Variants in JAKMIP1 observed in about 807,000 individuals in gnomAD.
JAKMIP1 encodes the protein janus kinase and microtubule interacting protein 1, also known as janus kinase and microtubule-interacting protein 1.
JAKMIP1 carries 33 observed loss-of-function variants against 113.0 expected under a neutral mutation model. The ratio of observed to expected loss-of-function variants is 0.29; its 90% confidence interval spans 0.22 to 0.39. JAKMIP1 has a LOEUF of 0.39. Among genes scored for constraint, JAKMIP1 ranks in the 10% least tolerant of loss-of-function variants. The pLI, the probability that JAKMIP1 is intolerant of heterozygous loss-of-function variation, is 1.00. For synonymous variants in JAKMIP1, 480 were observed against 459.9 expected (o/e 1.04, Z -0.56); for missense variants, 813 against 1,080.5 (o/e 0.75, Z 3.47).
chr4:6,177,822 G>A (rs1725536548), intron 1 of JAKMIP1, among the ~76,000 whole-genome samples: 1 of 152,176 alleles, frequency 6.6e-6, no homozygotes, highest in Non-Finnish European at 1.5e-5. Context: ...CCCTGCCTCT[G>A]CATTGTCTCT....
At chr4:6,070,664 C>T (rs755774243) in intron 8 of JAKMIP1, among the ~76,000 whole-genome samples, 13 of 152,250 alleles carry the variant, frequency 8.5e-5, no homozygotes, top group Non-Finnish European at 1.8e-4. Context: ...GATTCTCCCT[C>T]AGGACCCAAA....
At chr4:6,062,263 G>A (rs750469730) in intron 10 of JAKMIP1, 49 bp downstream of exon 10, 1 of 1,604,602 alleles carries the variant, frequency 6.2e-7, no homozygotes, top group Non-Finnish European at 8.5e-7. Flanking sequence ...GGACCTACAT[G>A]ACCTGGCCTT....
chr4:6,120,902 C>A (rs201959074), intron 1 of JAKMIP1, among the ~76,000 whole-genome samples: 2 of 147,006 alleles, frequency 1.4e-5, no homozygotes, highest in East Asian at 4.0e-4. Context: ...ACAAAGCAAG[C>A]TCAAAAAATG....
In JAKMIP1 at chr4:6,155,338, C is replaced by T. The variant is rs576316509; in HGVS notation, c.-147-42341G>A. On this transcript the variant is annotated intron_variant, in intron 1 of 20. Coordinates refer to ENST00000409021, the MANE Select transcript of JAKMIP1 (RefSeq NM_001099433.2). The surrounding 1 kb of genome is among the most constrained non-coding windows in gnomAD (Gnocchi z 6.1). ...CCGCGAATGTTTACCCAGCCCTTAT[C>T]CTGCGTCAGCTCTGCTCCAAGCACT... Among the ~76,000 whole-genome samples, 5 of 152,292 alleles carry T rather than the reference C, an allele frequency of 3.3e-5. No individual in the cohort carries two copies. In the East Asian group the frequency reaches 9.7e-4, roughly 29 times the overall value.
Position 6,069,921 on chromosome 4 carries a change from T to C in JAKMIP1, c.1303-4913A>G, listed in dbSNP as rs1718720417. The C allele has an allele frequency of 2.5e-6, 1 of 395,404 alleles. No homozygotes were observed. Among genetic ancestry groups the C allele is most frequent in the South Asian group, 1.4e-4 (1 of 7,010 alleles). 24.5% of individuals were successfully genotyped at this position (395,404 alleles called of 1,614,324 possible). A position where few individuals can be genotyped will look rare whatever the true frequency, so the allele number is the denominator to read the frequency against. On this transcript the variant is annotated intron_variant, in intron 8 of 20. Coordinates refer to ENST00000409021, the MANE Select transcript of JAKMIP1 (RefSeq NM_001099433.2). The surrounding 1 kb of genome is among the most constrained non-coding windows in gnomAD (Gnocchi z 4.5). ...CAAATAGCCCCCCAACCAGATCCAG[T>C]CTCTCTCAGCCACCTGTCTTCTCAC...
chr4:6,189,655 G>A (rs1474239960), intron 1 of JAKMIP1, among the ~76,000 whole-genome samples: 2 of 152,334 alleles, frequency 1.3e-5, no homozygotes, highest in East Asian at 3.9e-4. Flanking sequence ...TCTAATGGAG[G>A]AGTCAGACAA....
Position 6,080,150 on chromosome 4 carries a change from G to A in JAKMIP1, c.1242+22C>T, listed in dbSNP as rs201280461. 4.7e-5 allele frequency: 74 copies of A among 1,571,412 alleles called. No homozygotes were observed. Among genetic ancestry groups the A allele is most frequent in the Middle Eastern group, 3.3e-4 (2 of 6,002 alleles). Reference sequence around the variant, plus strand: ...GGTGCCACCCCTGCCAGGGGCAGCCGCGCCAGCTGTGCTAGATGTACCAGT... The same window carrying A: ...GGTGCCACCCCTGCCAGGGGCAGCCACGCCAGCTGTGCTAGATGTACCAGT... On this transcript the variant is annotated intron_variant, in intron 7 of 20. Transcript: ENST00000409021. The surrounding 1 kb of genome is among the most constrained non-coding windows in gnomAD (Gnocchi z 6.0).
At position 6,069,762 on chromosome 4, in the gene JAKMIP1, A is replaced by C. The variant is rs1718696145; in HGVS notation, c.1303-4754T>G. On this transcript the variant is annotated intron_variant, in intron 8 of 20. Transcript: ENST00000409021. This position sits in a 1 kb window ranked among gnomAD's most constrained non-coding sequence, Gnocchi z 4.5. ...GGCAAGATCCTGTCTCAAAAAAAAA[A>C]AAAAAAAGATTCAGTTTTGGCAAAA... is the stretch of plus-strand genomic sequence containing the variant. Among the ~76,000 whole-genome samples, 1 of 151,990 alleles carries C rather than the reference A, an allele frequency of 6.6e-6. No individual in the cohort carries two copies.
chr4:6,191,845 A>G (rs958570270), intron 1 of JAKMIP1, among the ~76,000 whole-genome samples: 1 of 152,204 alleles, frequency 6.6e-6, no homozygotes, highest in African/African-American at 2.4e-5. Flanking sequence ...AGTAAAATTC[A>G]TGTGAAAATT....
intron 18 of JAKMIP1, among the ~76,000 whole-genome samples, chr4:6,037,648 C>G (rs1455336648): frequency 1.4e-5 from 2 of 145,984 alleles, no homozygotes. Flanking sequence ...CAGAGGTTAA[C>G]CCAGTAGCCC....
At chr4:6,152,789 AATATATAT>A (rs35192547) in intron 1 of JAKMIP1, among the ~76,000 whole-genome samples, 3 of 135,294 alleles carry the variant, frequency 2.2e-5, no homozygotes, top group Admixed American at 7.9e-5. Flanking sequence ...TAAAAATACA[AATATATAT>A]ATATATATAT....
rs1719247036 is a variant in JAKMIP1, at chr4:6,136,382, G to A, written c.-147-23385C>T. Among the ~76,000 whole-genome samples, 1 of 150,384 alleles carries A rather than the reference G, an allele frequency of 6.6e-6. No individual in the cohort carries two copies. Among genetic ancestry groups the A allele is most frequent in the Non-Finnish European group, 1.5e-5 (1 of 67,398 alleles). On this transcript the variant is annotated intron_variant, in intron 1 of 20. Coordinates refer to ENST00000409021, the MANE Select transcript of JAKMIP1 (RefSeq NM_001099433.2). This position sits in a 1 kb window ranked among gnomAD's most constrained non-coding sequence, Gnocchi z 5.9. Reference sequence around the variant, plus strand: ...GTACTTCTGACAAATCAGTACCCTAGTGATAATATCTCCCACTGGGAGCAG... The same window carrying A: ...GTACTTCTGACAAATCAGTACCCTAATGATAATATCTCCCACTGGGAGCAG...
chr4:6,045,517 G>A (rs557635495), intron 16 of JAKMIP1, among the ~76,000 whole-genome samples: 2 of 152,312 alleles, frequency 1.3e-5, no homozygotes, highest in Admixed American at 1.3e-4. Context: ...TGTTTGTAGC[G>A]AAATCAACAC....
At chr4:6,095,337 A>G (rs2108850797) in intron 3 of JAKMIP1, among the ~76,000 whole-genome samples, 1 of 152,032 alleles carries the variant, frequency 6.6e-6, no homozygotes, top group Admixed American at 6.5e-5. Flanking sequence ...ACAGCGAAAG[A>G]AAGAAAGGAA....
intron 18 of JAKMIP1, among the ~76,000 whole-genome samples, chr4:6,037,146 C>T (rs866337644): frequency 4.2e-5 from 6 of 141,460 alleles, no homozygotes; most frequent in Non-Finnish European, 7.5e-5. Context: ...AGAGGTTAAC[C>T]CAGTAGCCCT....
Position 6,080,006 on chromosome 4 carries a change from C to T in JAKMIP1, c.1242+166G>A, listed in dbSNP as rs762878597. On this transcript the variant is annotated intron_variant, in intron 7 of 20. Transcript: ENST00000409021. This position sits in a 1 kb window ranked among gnomAD's most constrained non-coding sequence, Gnocchi z 6.0. ...AAGGCTGCTTAGTGGCAGAATGAAG[C>T]GGGAATGTGCACACCAGGGTGAGCT... 2.6e-5 allele frequency among the ~76,000 whole-genome samples: 4 copies of T among 152,192 alleles called. No homozygotes were observed. Among genetic ancestry groups the T allele is most frequent in the Admixed American group, 6.5e-5 (1 of 15,274 alleles).
In JAKMIP1 at chr4:6,048,848, G is replaced by C; in HGVS notation, c.2028+9C>G. 2 of 1,611,914 alleles carry C rather than the reference G, an allele frequency of 1.2e-6. No homozygotes were observed. Among genetic ancestry groups the C allele is most frequent in the Non-Finnish European group, 1.7e-6 (2 of 1,177,996 alleles). ...AAGGTGTGAGCACAGAAATGCCGCTGGCTTCTACCTTTTCACACAGGGCAA... is the reference window on the plus strand; with the variant it reads ...AAGGTGTGAGCACAGAAATGCCGCTCGCTTCTACCTTTTCACACAGGGCAA... On this transcript the variant is annotated intron_variant, in intron 16 of 20. Coordinates refer to ENST00000409021, the MANE Select transcript of JAKMIP1 (RefSeq NM_001099433.2).
chr4:6,111,558 C>A (rs866772031), intron 2 of JAKMIP1, among the ~76,000 whole-genome samples: 38 of 152,360 alleles, frequency 2.5e-4, no homozygotes, highest in African/African-American at 8.4e-4. Context: ...GCTATAATTA[C>A]ACCATAATAG....
In JAKMIP1 at chr4:6,106,666, C is replaced by G. The variant is rs181763698; in HGVS notation, c.130-699G>C. ...CCCTGTGCTACCAGGCAACCCACCC[C>G]GCCTTGAGCCTATTCATTTTATCAG... On this transcript the variant is annotated intron_variant, in intron 2 of 20. Coordinates refer to ENST00000409021, the MANE Select transcript of JAKMIP1 (RefSeq NM_001099433.2). This position sits in a 1 kb window ranked among gnomAD's most constrained non-coding sequence, Gnocchi z 5.9. 1.3e-5 allele frequency among the ~76,000 whole-genome samples: 2 copies of G among 152,198 alleles called. No individual in the cohort carries two copies. The highest frequency in any genetic ancestry group is 1.5e-5 in the Non-Finnish European group (1 of 68,026).
Sources: allele counts gnomAD v4.1 joint callset (sites outside exome capture counted in the v4.1 genomes callset), GRCh38; gene constraint gnomAD v4.1.1; non-coding constraint Gnocchi (gnomAD v3.1); transcripts MANE v1.5; gene names NCBI Gene and HGNC (gene_info 2026-07-23, HGNC 2026-07-21).